Variants in PCDH9 observed in about 807,000 individuals in gnomAD.
PCDH9 encodes protocadherin-9.
PCDH9 carries 24 observed loss-of-function variants against 70.6 expected under a neutral mutation model. That is an observed-to-expected ratio of 0.34 (90% CI 0.25 to 0.48). The LOEUF (loss-of-function observed/expected upper bound fraction) is 0.48, where lower values mean the gene tolerates loss of function less well. PCDH9 is among the 20% of genes least tolerant of loss of function. The pLI, the probability that PCDH9 is intolerant of heterozygous loss-of-function variation, is 0.99. For missense variants in PCDH9, 1,281 were observed against 1,503.6 expected (o/e 0.85, Z 2.45); for synonymous variants, 562 against 558.5 (o/e 1.01, Z -0.09).
At chr13:66,366,416 C>G (rs1276138286) in intron 4 of PCDH9, among the ~76,000 whole-genome samples, 2 of 151,882 alleles carry the variant, frequency 1.3e-5, no homozygotes, top group Non-Finnish European at 2.9e-5. Context: ...TTTTTCTCTT[C>G]TAGGACGCTA....
At chr13:66,400,170 G>A (rs1159846169) in intron 4 of PCDH9, among the ~76,000 whole-genome samples, 1 of 152,098 alleles carries the variant, frequency 6.6e-6, no homozygotes, top group Non-Finnish European at 1.5e-5. Flanking sequence ...GTTAGATTTA[G>A]AAACAGTATT....
intron 4 of PCDH9, among the ~76,000 whole-genome samples, chr13:66,504,427 T>C (rs1295260071): frequency 3.3e-5 from 5 of 152,108 alleles, no homozygotes; most frequent in Non-Finnish European, 5.9e-5. Flanking sequence ...ATAAGTGAGG[T>C]CATCATAGTC....
intron 2 of PCDH9, among the ~76,000 whole-genome samples, chr13:66,980,063 A>C (rs1168025022): frequency 6.6e-6 from 1 of 150,588 alleles, no homozygotes; most frequent in Non-Finnish European, 1.5e-5. Context: ...AATGACACTA[A>C]CTTAAATTAT....
At chr13:66,454,994 A>T (rs1177412326) in intron 4 of PCDH9, among the ~76,000 whole-genome samples, 1 of 151,950 alleles carries the variant, frequency 6.6e-6, no homozygotes, top group Non-Finnish European at 1.5e-5. Context: ...AGCATTTTAT[A>T]AAAAAAATTA....
At position 66,514,488 on chromosome 13, in the gene PCDH9, T is replaced by TC. The variant is rs1555301789; in HGVS notation, c.3340+116721dup. On this transcript the variant is annotated intron_variant, in intron 4 of 4. Transcript: ENST00000377865. ...TAGTGAATGGGAAAATGGAGTGAAT[T>TC]CAAAAAAAAAAAAAAAGAAAGACAT... is the stretch of plus-strand genomic sequence containing the variant. Among the ~76,000 whole-genome samples, 16 of 64,308 alleles carry TC rather than the reference T, an allele frequency of 2.5e-4. No homozygotes were observed. The East Asian group carries it at 2.8e-3, about 11-fold the overall frequency. 42.2% of individuals were successfully genotyped at this position (64,308 alleles called of 152,430 possible). A position where few individuals can be genotyped will look rare whatever the true frequency, so the allele number is the denominator to read the frequency against.
intron 4 of PCDH9, among the ~76,000 whole-genome samples, chr13:66,365,058 C>G (rs2138202289): frequency 6.6e-6 from 1 of 152,312 alleles, no homozygotes; most frequent in South Asian, 2.1e-4. Flanking sequence ...ATTTCCACTT[C>G]TCTTTTCATA....
chr13:67,161,166 A>AAAATAGTTAG (rs1203004342), intron 2 of PCDH9, among the ~76,000 whole-genome samples: 3 of 152,222 alleles, frequency 2.0e-5, no homozygotes, highest in Non-Finnish European at 4.4e-5. Flanking sequence ...AGAATGAGTC[A>AAAATAGTTAG]AAATAGTTAG....
intron 3 of PCDH9, among the ~76,000 whole-genome samples, chr13:66,812,629 C>T (rs888346776): frequency 3.3e-5 from 5 of 152,086 alleles, no homozygotes; most frequent in Admixed American, 6.6e-5. Context: ...CAACTGAATA[C>T]CATAAAATAG....
chr13:66,519,670 T>C (rs749153506), intron 4 of PCDH9, among the ~76,000 whole-genome samples: 1 of 152,150 alleles, frequency 6.6e-6, no homozygotes, highest in Non-Finnish European at 1.5e-5. Flanking sequence ...GCCAGTTCCC[T>C]TCCCTGCAAG....
chr13:66,921,523 A>G (rs1382606580), intron 2 of PCDH9, among the ~76,000 whole-genome samples: 1 of 151,252 alleles, frequency 6.6e-6, no homozygotes, highest in Non-Finnish European at 1.5e-5. Flanking sequence ...AGGAATATAT[A>G]AAGTCAAAGC....
At chr13:66,897,289 A>ACTCC (rs925307234) in intron 3 of PCDH9, among the ~76,000 whole-genome samples, 1 of 152,054 alleles carries the variant, frequency 6.6e-6, no homozygotes, top group Non-Finnish European at 1.5e-5. Flanking sequence ...GGAGAGACAG[A>ACTCC]TTAATATATG....
intron 3 of PCDH9, among the ~76,000 whole-genome samples, chr13:66,758,800 A>T (rs7986496): frequency 0.082 from 12,360 of 151,492 alleles, 523 homozygotes; most frequent in East Asian, 0.14. Flanking sequence ...AGTCCCCCTT[A>T]CTCCTTACTG....
chr13:66,610,189 G>A (rs920838427), intron 4 of PCDH9, among the ~76,000 whole-genome samples: 2 of 151,784 alleles, frequency 1.3e-5, no homozygotes, highest in Non-Finnish European at 2.9e-5. Context: ...ATATCCACAC[G>A]CTAAGATATT....
In PCDH9 at chr13:67,000,337, T is replaced by TG. The variant is rs1311943304; in HGVS notation, c.3037-96733dup. On this transcript the variant is annotated intron_variant, in intron 2 of 4. Coordinates refer to ENST00000377865, the MANE Select transcript of PCDH9 (RefSeq NM_203487.3). ...TCACACTCTGGGGACTGTTGTGGGGTGGGGGAGGGGGGAGGGATAGCACTA... is the reference window on the plus strand; with the variant it reads ...TCACACTCTGGGGACTGTTGTGGGGTGGGGGGAGGGGGGAGGGATAGCACTA... 1.8e-3 allele frequency among the ~76,000 whole-genome samples: 56 copies of TG among 30,528 alleles called. No individual in the cohort carries two copies. The Middle Eastern group carries it at 0.1, about 55-fold the overall frequency. The allele number at this position is 30,528 out of a possible 152,430, so 20.0% of individuals were successfully genotyped here. A position where few individuals can be genotyped will look rare whatever the true frequency, so the allele number is the denominator to read the frequency against.
chr13:67,049,277 A>T (rs2085279411), intron 2 of PCDH9, among the ~76,000 whole-genome samples: 2 of 152,230 alleles, frequency 1.3e-5, no homozygotes, highest in Admixed American at 6.5e-5. Flanking sequence ...CACATCATTT[A>T]TACAGTTCTG....
At chr13:66,946,449 T>C (rs541405428) in intron 2 of PCDH9, among the ~76,000 whole-genome samples, 1 of 152,214 alleles carries the variant, frequency 6.6e-6, no homozygotes, top group East Asian at 1.9e-4. Context: ...GCGGGAAGCT[T>C]GCTTGAGGCC....
intron 3 of PCDH9, among the ~76,000 whole-genome samples, chr13:66,866,310 G>A (rs777392354): frequency 3.3e-5 from 5 of 151,516 alleles, no homozygotes; most frequent in African/African-American, 9.7e-5. Context: ...GTGAAACCCC[G>A]TCTCTATTAA....
intron 3 of PCDH9, among the ~76,000 whole-genome samples, chr13:66,879,440 G>C (rs1346816268): frequency 6.6e-6 from 1 of 152,048 alleles, no homozygotes; most frequent in Non-Finnish European, 1.5e-5. Flanking sequence ...GAGGGAGCCT[G>C]GCAGAATAAA....
intron 4 of PCDH9, among the ~76,000 whole-genome samples, chr13:66,434,889 T>G (rs546921157): frequency 6.6e-6 from 1 of 152,198 alleles, no homozygotes; most frequent in East Asian, 1.9e-4. Flanking sequence ...TCAATAATAT[T>G]TTTAAATGCT....
Sources: gnomAD v4.1 joint callset for allele counts (sites outside exome capture counted in the v4.1 genomes callset) on GRCh38, gnomAD v4.1.1 for gene constraint, MANE v1.5 for transcripts, NCBI Gene and HGNC (gene_info 2026-07-23, HGNC 2026-07-21) for gene names.